Variants in MYRF observed in about 807,000 individuals in gnomAD.
The protein encoded by MYRF is myelin gene regulatory factor.
Under a neutral mutation model 126.3 loss-of-function variants are expected in MYRF, and 16 were observed. The observed-to-expected ratio is 0.13, with a 90% confidence interval of 0.09 to 0.19. The LOEUF (loss-of-function observed/expected upper bound fraction) is 0.19, where lower values mean the gene tolerates loss of function less well. MYRF is among the 10% of genes least tolerant of loss of function. The probability of loss-of-function intolerance (pLI) is 1.00; values close to 1 mark genes in which losing one functional copy is unlikely to be tolerated. For synonymous variants in MYRF, 608 were observed against 635.3 expected (o/e 0.96, Z 0.65); for missense variants, 1,104 against 1,547.0 (o/e 0.71, Z 4.80).
Position 61,778,249 on chromosome 11 carries a change from G to A in MYRF, c.1904-131G>A. 1.4e-6 allele frequency: 1 copy of A among 693,698 alleles called. No homozygotes were observed. The allele number at this position is 693,698 out of a possible 1,614,324, so 43.0% of individuals were successfully genotyped here. On this transcript the variant is annotated intron_variant, in intron 13 of 26. Transcript: ENST00000278836. This position sits in a 1 kb window ranked among gnomAD's most constrained non-coding sequence, Gnocchi z 4.6. ...GTTCGTGGGATCTCCCTGCTCCAGGGCTCCTTGGAATCCAAATCTCTGGGT... is the reference window on the plus strand; with the variant it reads ...GTTCGTGGGATCTCCCTGCTCCAGGACTCCTTGGAATCCAAATCTCTGGGT...
At chr11:61,782,000 T>A in intron 22 of MYRF, 176 bp downstream of exon 22, 1 of 672,320 alleles carries the variant, frequency 1.5e-6, no homozygotes, top group Non-Finnish European at 2.3e-6. Context: ...ATCATCCCAT[T>A]TAGTCCTCAC....
intron 8 of MYRF, among the ~76,000 whole-genome samples, chr11:61,774,709 G>A (rs113286786): frequency 1.3e-5 from 2 of 148,462 alleles, no homozygotes; most frequent in African/African-American, 5.0e-5. Context: ...CTGCCTCCCT[G>A]CCTCCCTTTC....
chr11:61,781,718 C>T lies in MYRF; in HGVS notation c.2910C>T (p.Gly970=), dbSNP rs755324663. The T allele has an allele frequency of 3.1e-6, 5 of 1,613,362 alleles. No homozygotes were observed. The highest frequency in any genetic ancestry group is 3.4e-6 in the Non-Finnish European group (4 of 1,180,004). Reference sequence around the variant, plus strand: ...CAGTCCCCTTCCCTGGGGGGCAGGGCAAAGCCAAGAACAGTCCCAGCCTTG... The same window carrying T: ...CAGTCCCCTTCCCTGGGGGGCAGGGTAAAGCCAAGAACAGTCCCAGCCTTG... ...SPAVPFPGGQ[G]KAKNSPSLGF... is the part of the protein sequence containing the mutation. Residue 970 remains glycine, a synonymous_variant, in exon 22 of 27, where the codon GGC becomes GGT. Transcript: ENST00000278836.
Position 61,781,134 on chromosome 11 carries a change from T to G in MYRF, c.2573-4T>G. The G allele has an allele frequency of 6.2e-7, 1 of 1,613,162 alleles. No homozygotes were observed. The highest frequency in any genetic ancestry group is 8.5e-7 in the Non-Finnish European group (1 of 1,179,972). ...CTGGCTCATACAGCCTCTGGCCTCC[T>G]CAGTGACCACCAGCCTCACCAGCTC... On this transcript the variant is annotated splice_region_variant and splice_polypyrimidine_tract_variant and intron_variant, in intron 20 of 26. Transcript: ENST00000278836.
chr11:61,779,095 G>A (rs868189498), intron 14 of MYRF, 168 bp from the exon 15 acceptor site: 11 of 686,636 alleles, frequency 1.6e-5, no homozygotes, highest in Middle Eastern at 3.9e-4. Context: ...TGTGGGAGCC[G>A]AGGCTGGATT....
intron 22 of MYRF, chr11:61,782,096 G>A (rs1591130033): frequency 5.0e-6 from 2 of 396,268 alleles, no homozygotes; most frequent in South Asian, 2.0e-4. Flanking sequence ...CCTGCCCAGG[G>A]TTATACAGCC....
intron 1 of MYRF, among the ~76,000 whole-genome samples, chr11:61,756,722 T>A (rs781491571): frequency 6.6e-6 from 1 of 151,982 alleles, no homozygotes; most frequent in Non-Finnish European, 1.5e-5. Context: ...AGCACCTCTC[T>A]GGAGGGCCTG....
Position 61,777,527 on chromosome 11 carries a change from C to T in MYRF, c.1791+63C>T. 1 of 1,513,580 alleles carries T rather than the reference C, an allele frequency of 6.6e-7. No homozygotes were observed. The highest frequency in any genetic ancestry group is 1.2e-5 in the South Asian group (1 of 82,452). The allele number at this position is 1,513,580 out of a possible 1,614,324, so 93.8% of individuals were successfully genotyped here. A position where few individuals can be genotyped will look rare whatever the true frequency, so the allele number is the denominator to read the frequency against. On this transcript the variant is annotated intron_variant, in intron 12 of 26. Coordinates refer to ENST00000278836, the MANE Select transcript of MYRF (RefSeq NM_001127392.3). The surrounding 1 kb of genome is among the most constrained non-coding windows in gnomAD (Gnocchi z 8.8). ...GCTGGAGCGGGCCGCGGGGGCGGGGCTCCTGGGGAGGGGGCGTGACTACGC... is the reference window on the plus strand; with the variant it reads ...GCTGGAGCGGGCCGCGGGGGCGGGGTTCCTGGGGAGGGGGCGTGACTACGC...
At chr11:61,752,893 C>A in intron 1 of MYRF, 103 bp downstream of exon 1, 2 of 1,159,992 alleles carry the variant, frequency 1.7e-6, no homozygotes, top group Non-Finnish European at 2.3e-6. Flanking sequence ...CCTCCTCTGG[C>A]TGGGACCCTC....
intron 18 of MYRF, 48 bp from the exon 19 acceptor site, chr11:61,780,664 C>T (rs1382947050): frequency 1.3e-6 from 2 of 1,523,002 alleles, no homozygotes; most frequent in African/African-American, 2.8e-5. Flanking sequence ...GTCTTCTCTT[C>T]TCTTCCCCTT....
At chr11:61,781,410 GTC>G in intron 21 of MYRF, 81 bp downstream of exon 21, 1 of 1,562,320 alleles carries the variant, frequency 6.4e-7, no homozygotes, top group Non-Finnish European at 8.7e-7. Context: ...TGGTGGGAGG[GTC>G]TCCTGGAGCC....
intron 1 of MYRF, chr11:61,755,428 A>T: frequency 6.2e-7 from 1 of 1,610,346 alleles, no homozygotes; most frequent in Non-Finnish European, 8.5e-7. Flanking sequence ...GGCAGGATGC[A>T]CTGGCTTCCA....
intron 21 of MYRF, 33 bp from the exon 22 acceptor site, chr11:61,781,540 A>G: frequency 6.3e-7 from 1 of 1,595,624 alleles, no homozygotes; most frequent in Non-Finnish European, 8.5e-7. Context: ...GCCAGCTTCC[A>G]GCTTCTTAGC....
intron 1 of MYRF, among the ~76,000 whole-genome samples, chr11:61,753,281 C>A (rs2065656192): frequency 6.6e-6 from 1 of 151,694 alleles, no homozygotes; most frequent in Non-Finnish European, 1.5e-5. Flanking sequence ...GAGACCAAGA[C>A]CCCCTGTGTG....
At chr11:61,764,141 C>G (rs1344374813) in intron 1 of MYRF, among the ~76,000 whole-genome samples, 2 of 152,182 alleles carry the variant, frequency 1.3e-5, no homozygotes, top group African/African-American at 4.8e-5. Context: ...TGGGGGTCAG[C>G]AGGAGGGCCC....
At chr11:61,761,879 G>A (rs2065910946) in intron 1 of MYRF, among the ~76,000 whole-genome samples, 1 of 152,264 alleles carries the variant, frequency 6.6e-6, no homozygotes, top group Admixed American at 6.5e-5. Context: ...GCATGGCACA[G>A]GGCTGGGCAC....
chr11:61,769,451 A>G, intron 4 of MYRF, 130 bp downstream of exon 4: 1 of 706,726 alleles, frequency 1.4e-6, no homozygotes, highest in Non-Finnish European at 2.5e-6. Context: ...CGCTGGTCAA[A>G]TACTCCCTGG....
In MYRF at chr11:61,771,603, G is replaced by A. The variant is rs367694531; in HGVS notation, c.844G>A (p.Val282Met). 15 of 1,613,788 alleles carry A rather than the reference G, an allele frequency of 9.3e-6. No individual in the cohort carries two copies. Among genetic ancestry groups the A allele is most frequent in the Admixed American group, 8.3e-5 (5 of 59,996 alleles). ...AATGATCAAACAGGAGCCTGGGACCGTGACAGCCCTGCCTCTGCACCCCAC... is the reference window on the plus strand; with the variant it reads ...AATGATCAAACAGGAGCCTGGGACCATGACAGCCCTGCCTCTGCACCCCAC... ...NGMIKQEPGT[V>M]TALPLHPTRA... is the part of the protein sequence containing the mutation. The change falls in exon 6 of 27, where the codon GTG becomes ATG. Residue 282 changes from valine (V) to methionine (M), a missense_variant. Physicochemically the swap from Val to Met is conservative, Grantham distance 21 (BLOSUM62 1). Transcript: ENST00000278836.
chr11:61,757,489 C>G lies in MYRF; in HGVS notation c.46+4699C>G. 2.2e-6 allele frequency: 1 copy of G among 456,464 alleles called. No individual in the cohort carries two copies. The allele number at this position is 456,464 out of a possible 1,614,324, so 28.3% of individuals were successfully genotyped here. On this transcript the variant is annotated intron_variant, in intron 1 of 26. Transcript: ENST00000278836. The surrounding 1 kb of genome is among the most constrained non-coding windows in gnomAD (Gnocchi z 4.7). ...CCATGGCAGGTGTTCTGCGCCCTAC[C>G]TTGAAGATTACTGGTCCCCAGGGTA...
Sources: allele counts gnomAD v4.1 joint callset (sites outside exome capture counted in the v4.1 genomes callset), GRCh38; gene constraint gnomAD v4.1.1; non-coding constraint Gnocchi (gnomAD v3.1); transcripts MANE v1.5; gene names NCBI Gene and HGNC (gene_info 2026-07-23, HGNC 2026-07-21).